Variants in BLTP3A observed in about 807,000 individuals in gnomAD.
BLTP3A encodes ICBP90 binding protein 1.
At chr6:34,823,371 A>G in the BLTP3A span, 1 of 1,581,720 alleles carries the variant, frequency 6.3e-7, no homozygotes. Flanking sequence ...GAACCCTGTT[A>G]TTTCCAACAT....
At chr6:34,853,442 G>A in the BLTP3A span, among the ~76,000 whole-genome samples, 4 of 152,080 alleles carry the variant, frequency 2.6e-5, no homozygotes, top group Non-Finnish European at 5.9e-5. Context: ...TGAGATTACA[G>A]GAATGAGCCA....
At chr6:34,863,663 T>C in the BLTP3A span, among the ~76,000 whole-genome samples, 1 of 152,202 alleles carries the variant, frequency 6.6e-6, no homozygotes, top group Non-Finnish European at 1.5e-5. Flanking sequence ...ATGGAATGAA[T>C]GCAGGTGGCT....
At chr6:34,871,003 C>G in the BLTP3A span, 8 of 1,614,128 alleles carry the variant, frequency 5.0e-6, no homozygotes, top group South Asian at 7.7e-5. Context: ...TGGCTGTGAC[C>G]TCGAGCTGCT....
At chr6:34,832,021 G>A in the BLTP3A span, among the ~76,000 whole-genome samples, 1 of 151,910 alleles carries the variant, frequency 6.6e-6, no homozygotes, top group African/African-American at 2.4e-5. Flanking sequence ...CACCATGTTG[G>A]CCAGGATGGT....
At chr6:34,802,714 A>G in the BLTP3A span, among the ~76,000 whole-genome samples, 1 of 152,222 alleles carries the variant, frequency 6.6e-6, no homozygotes, top group African/African-American at 2.4e-5. Flanking sequence ...GCATGCAAAC[A>G]TCTGACAACT....
chr6:34,869,818 AT>A, the BLTP3A span, among the ~76,000 whole-genome samples: 1 of 151,224 alleles, frequency 6.6e-6, no homozygotes, highest in East Asian at 1.9e-4. Flanking sequence ...CGCCTGACTA[AT>A]TTTTTTGTAT....
the BLTP3A span, among the ~76,000 whole-genome samples, chr6:34,821,207 T>C: frequency 6.6e-6 from 1 of 150,756 alleles, no homozygotes; most frequent in Non-Finnish European, 1.5e-5. Flanking sequence ...CCACCCGCCT[T>C]GGCCTCCCGA....
chr6:34,801,814 C>T, the BLTP3A span, among the ~76,000 whole-genome samples: 1 of 152,198 alleles, frequency 6.6e-6, no homozygotes, highest in Non-Finnish European at 1.5e-5. Context: ...CTCTGGCTCA[C>T]TGCAAGCTCC....
chr6:34,859,134 A>G, the BLTP3A span: 1 of 1,614,206 alleles, frequency 6.2e-7, no homozygotes, highest in Non-Finnish European at 8.5e-7. Context: ...ACCAGGGCCC[A>G]GCAAGCCCTG....
At chr6:34,803,401 C>G in the BLTP3A span, among the ~76,000 whole-genome samples, 3 of 152,032 alleles carry the variant, frequency 2.0e-5, no homozygotes, top group Non-Finnish European at 4.4e-5. Flanking sequence ...TCTCATGCCC[C>G]CAGTTGCTCT....
At chr6:34,870,844 C>T in the BLTP3A span, 1 of 1,612,234 alleles carries the variant, frequency 6.2e-7, no homozygotes, top group Non-Finnish European at 8.5e-7. Context: ...CCTTGTCTTT[C>T]TTCACAAAGG....
chr6:34,843,319 A>G, the BLTP3A span, among the ~76,000 whole-genome samples: 2 of 152,014 alleles, frequency 1.3e-5, no homozygotes, highest in East Asian at 1.9e-4. Flanking sequence ...CCACATATCT[A>G]TATACAATTC....
chr6:34,865,946 CACG>C, the BLTP3A span, among the ~76,000 whole-genome samples: 1 of 152,210 alleles, frequency 6.6e-6, no homozygotes, highest in African/African-American at 2.4e-5. Flanking sequence ...GGCAGTGGCT[CACG>C]CCTGTAATCC....
the BLTP3A span, chr6:34,858,677 G>A: frequency 8.7e-6 from 14 of 1,613,984 alleles, no homozygotes; most frequent in East Asian, 4.5e-5. Context: ...TCCCATCCGC[G>A]GTCAAAGACT....
At chr6:34,824,133 G>C in the BLTP3A span, among the ~76,000 whole-genome samples, 1 of 151,892 alleles carries the variant, frequency 6.6e-6, no homozygotes, top group African/African-American at 2.4e-5. Context: ...GGTAGAGACT[G>C]TTTCACCATG....
At chr6:34,807,653 C>T in the BLTP3A span, among the ~76,000 whole-genome samples, 5 of 152,136 alleles carry the variant, frequency 3.3e-5, no homozygotes, top group South Asian at 2.1e-4. Context: ...AGACAGCTAC[C>T]GTGGGTCTGG....
chr6:34,860,336 C>T, the BLTP3A span, among the ~76,000 whole-genome samples: 142 of 152,246 alleles, frequency 9.3e-4, 1 homozygote, highest in East Asian at 0.026. Flanking sequence ...TCGATTTTCC[C>T]ATGGGTGCCT....
the BLTP3A span, among the ~76,000 whole-genome samples, chr6:34,842,766 G>A: frequency 6.6e-6 from 1 of 152,260 alleles, no homozygotes; most frequent in South Asian, 2.1e-4. Flanking sequence ...CACAAAATGT[G>A]TGGAAGATCA....
the BLTP3A span, among the ~76,000 whole-genome samples, chr6:34,829,977 T>TG: frequency 6.6e-6 from 1 of 151,718 alleles, no homozygotes; most frequent in Non-Finnish European, 1.5e-5. Context: ...ACTGATTTTT[T>TG]TGTGTGTGTG....
Sources: gnomAD v4.1 joint callset for allele counts (sites outside exome capture counted in the v4.1 genomes callset) on GRCh38, gnomAD v4.1.1 for gene constraint, MANE v1.5 for transcripts, NCBI Gene and HGNC (gene_info 2026-07-23, HGNC 2026-07-21) for gene names.